The following SYT9 variants were observed in gnomAD, a reference collection of about 807,000 sequenced individuals.
SYT9 encodes the protein synaptotagmin 9.
A neutral mutation model predicts 48.4 loss-of-function variants in SYT9; 22 were observed. The ratio of observed to expected loss-of-function variants is 0.45; its 90% CI spans 0.32 to 0.65. The LOEUF (loss-of-function observed/expected upper bound fraction) is 0.65. Ranked by LOEUF, SYT9 falls within the 30% of genes least tolerant of loss-of-function variation. The pLI, the probability that SYT9 is intolerant of heterozygous loss-of-function variation, is 0.03. For missense variants in SYT9, 577 were observed against 622.0 expected (o/e 0.93, Z 0.77); for synonymous variants, 265 against 245.0 (o/e 1.08, Z -0.76).
rs78920742 is a variant in SYT9 at position 7,423,701 on chromosome 11, A to G, written c.1467+3066A>G. Among the ~76,000 whole-genome samples the G allele has an allele frequency of 0.012, 1,798 of 152,192 alleles. 108 individuals carry two copies. The East Asian group carries it at 0.18, about 15-fold the overall frequency. On this transcript the variant is annotated intron_variant, in intron 6 of 6. Coordinates refer to ENST00000318881, the MANE Select transcript of SYT9 (RefSeq NM_175733.4). ...TATGTCCTGTGAAGAAATATCATCC[A>G]TGTGTGTCATGGAGAATAAGAGAAA...
intron 3 of SYT9, among the ~76,000 whole-genome samples, chr11:7,391,765 A>T (rs1284477776): frequency 8.1e-6 from 1 of 123,594 alleles, no homozygotes; most frequent in African/African-American, 2.9e-5. Context: ...AAAAAAAAAA[A>T]CCTAGCTAGG....
At chr11:7,448,881 T>A (rs1478959965) in intron 6 of SYT9, among the ~76,000 whole-genome samples, 1 of 151,990 alleles carries the variant, frequency 6.6e-6, no homozygotes, top group East Asian at 1.9e-4. Context: ...CAGGCCCAGT[T>A]GACTGGGGTG....
intron 3 of SYT9, among the ~76,000 whole-genome samples, chr11:7,392,878 A>G (rs937362624): frequency 6.6e-6 from 1 of 152,092 alleles, no homozygotes; most frequent in Non-Finnish European, 1.5e-5. Flanking sequence ...ATGGGATTAC[A>G]TTATTGATTC....
intron 6 of SYT9, among the ~76,000 whole-genome samples, chr11:7,448,783 G>A (rs920185977): frequency 1.3e-5 from 2 of 152,140 alleles, no homozygotes; most frequent in African/African-American, 4.8e-5. Flanking sequence ...GAGGGGCAGG[G>A]TCTCTACAGC....
intron 6 of SYT9, 61 bp from the exon 7 acceptor site, chr11:7,466,731 A>AAG: frequency 1.3e-6 from 2 of 1,570,468 alleles, no homozygotes; most frequent in Non-Finnish European, 1.7e-6. Flanking sequence ...AAAAAAAAAA[A>AAG]AAAAAGAAAA....
chr11:7,371,601 C>T (rs1399677427), intron 3 of SYT9, among the ~76,000 whole-genome samples: 1 of 152,038 alleles, frequency 6.6e-6, no homozygotes, highest in Non-Finnish European at 1.5e-5. Flanking sequence ...ACACATATAA[C>T]CACCATCTAA....
At chr11:7,464,947 G>A (rs1218821714) in intron 6 of SYT9, among the ~76,000 whole-genome samples, 4 of 152,006 alleles carry the variant, frequency 2.6e-5, no homozygotes, top group Non-Finnish European at 5.9e-5. Flanking sequence ...AATTAGCCGG[G>A]CGTGGTGGCG....
chr11:7,409,607 A>G (rs1252443644), intron 3 of SYT9, among the ~76,000 whole-genome samples: 1 of 152,012 alleles, frequency 6.6e-6, no homozygotes, highest in East Asian at 1.9e-4. Flanking sequence ...GGTAGCTTGT[A>G]TATTTCCAGA....
At chr11:7,270,334 G>A (rs140983915) in intron 1 of SYT9, among the ~76,000 whole-genome samples, 40 of 152,276 alleles carry the variant, frequency 2.6e-4, no homozygotes, top group Admixed American at 3.9e-4. Context: ...GTTATAGGCT[G>A]TTTGATTTAG....
chr11:7,462,137 T>C (rs1025375576), intron 6 of SYT9, among the ~76,000 whole-genome samples: 45 of 152,238 alleles, frequency 3.0e-4, no homozygotes, highest in African/African-American at 1.1e-3. Flanking sequence ...ATTCTGGGCA[T>C]AGCACTTAAG....
At chr11:7,319,061 CT>C (rs1289913197) in intron 3 of SYT9, among the ~76,000 whole-genome samples, 2 of 151,690 alleles carry the variant, frequency 1.3e-5, no homozygotes, top group African/African-American at 4.8e-5. Context: ...TTTTGTGTAT[CT>C]TTCTTCAAAC....
chr11:7,432,012 C>G lies in SYT9; in HGVS notation c.1467+11377C>G, dbSNP rs140040161. Among the ~76,000 whole-genome samples the G allele has an allele frequency of 5.9e-5, 9 of 152,296 alleles. No homozygotes were observed. In the East Asian group the frequency reaches 1.7e-3, roughly 29 times the overall value. ...CACAGAGTCCCCACAGGGGCAGTGTCTAAGGGAACTATGAGAAGGGGGCCA... is the reference window on the plus strand; with the variant it reads ...CACAGAGTCCCCACAGGGGCAGTGTGTAAGGGAACTATGAGAAGGGGGCCA... On this transcript the variant is annotated intron_variant, in intron 6 of 6. Coordinates refer to ENST00000318881, the MANE Select transcript of SYT9 (RefSeq NM_175733.4).
chr11:7,462,801 C>G (rs1319044322), intron 6 of SYT9, among the ~76,000 whole-genome samples: 1 of 152,128 alleles, frequency 6.6e-6, no homozygotes, highest in African/African-American at 2.4e-5. Context: ...GTTCAGAGCC[C>G]TTAGGTACTT....
intron 1 of SYT9, among the ~76,000 whole-genome samples, chr11:7,280,751 T>C (rs1020567604): frequency 7.0e-6 from 1 of 143,834 alleles, no homozygotes; most frequent in African/African-American, 2.6e-5. Flanking sequence ...AGGGATACTA[T>C]AGATGTAAGT....
chr11:7,416,234 G>A, intron 4 of SYT9, 72 bp downstream of exon 4: 2 of 1,575,220 alleles, frequency 1.3e-6, no homozygotes, highest in South Asian at 2.3e-5. Flanking sequence ...GTTTTAGTAT[G>A]GTAATAAAGC....
intron 6 of SYT9, among the ~76,000 whole-genome samples, chr11:7,453,073 C>T (rs78691588): frequency 0.17 from 25,822 of 151,582 alleles, 2,651 homozygotes; most frequent in African/African-American, 0.28. Flanking sequence ...TGAGCCACCG[C>T]GCCCGGCCCT....
chr11:7,276,741 AC>A (rs1234221857), intron 1 of SYT9, among the ~76,000 whole-genome samples: 1 of 152,022 alleles, frequency 6.6e-6, no homozygotes, highest in Non-Finnish European at 1.5e-5. Flanking sequence ...TTAGCACTGT[AC>A]CTATACTTAA....
intron 2 of SYT9, among the ~76,000 whole-genome samples, chr11:7,305,103 G>A (rs1849008670): frequency 6.6e-6 from 1 of 152,066 alleles, no homozygotes; most frequent in South Asian, 2.1e-4. Context: ...ATAAGGATTT[G>A]CTTAAAAAAT....
chr11:7,363,718 A>G (rs1280977761), intron 3 of SYT9, among the ~76,000 whole-genome samples: 1 of 152,206 alleles, frequency 6.6e-6, no homozygotes, highest in African/African-American at 2.4e-5. Flanking sequence ...AAGAGAATCT[A>G]ACATCATGGA....
Sources: allele counts gnomAD v4.1 joint callset (sites outside exome capture counted in the v4.1 genomes callset), GRCh38; gene constraint gnomAD v4.1.1; transcripts MANE v1.5; gene names NCBI Gene and HGNC (gene_info 2026-07-23, HGNC 2026-07-21).